The following PLB1 variants were observed in gnomAD, a reference collection of about 807,000 sequenced individuals.
PLB1 encodes phospholipase B1, also known as phospholipase B1, membrane-associated.
Under a neutral mutation model 227.4 loss-of-function variants are expected in PLB1, and 242 were observed. That is an observed-to-expected ratio of 1.06 (90% CI 0.96 to 1.18). PLB1 has a LOEUF of 1.18. PLB1 is among the 50% of genes most tolerant of loss of function. The probability of loss-of-function intolerance (pLI) is 0.00; values close to 1 mark genes in which losing one functional copy is unlikely to be tolerated. For synonymous variants in PLB1, 757 were observed against 682.2 expected, an observed-to-expected ratio of 1.11 and a Z score of -1.71; for missense variants, 1,858 against 1,816.3, an observed-to-expected ratio of 1.02 and a Z score of -0.42.
intron 37 of PLB1, 40 bp downstream of exon 37, chr2:28,601,372 C>A: frequency 6.4e-7 from 1 of 1,571,734 alleles, no homozygotes; most frequent in Non-Finnish European, 8.7e-7. Flanking sequence ...TTGTTCCTAA[C>A]TTTGCCCAGT....
Position 28,602,083 on chromosome 2 carries a change from C to T in PLB1, c.2673+119C>T, listed in dbSNP as rs1684008344. ...TCAAGGAGACAGCCAGGGGCATGGA[C>T]TCCTTCCCTTTTCAGAGGTTGGGGT... On this transcript the variant is annotated intron_variant, in intron 38 of 57. Coordinates refer to ENST00000327757, the MANE Select transcript of PLB1 (RefSeq NM_153021.5). 5 of 969,002 alleles carry T rather than the reference C, an allele frequency of 5.2e-6. No individual in the cohort carries two copies. In the Admixed American group the frequency reaches 8.1e-5, roughly 16 times the overall value. The allele number at this position is 969,002 out of a possible 1,614,324, so 60.0% of individuals were successfully genotyped here.
chr2:28,526,984 G>A (rs1670344522), intron 6 of PLB1, among the ~76,000 whole-genome samples: 1 of 152,170 alleles, frequency 6.6e-6, no homozygotes, highest in African/African-American at 2.4e-5. Context: ...GGTCCCCTTG[G>A]AGAGAATCAA....
At chr2:28,620,508 C>A (rs1339159546) in intron 47 of PLB1, 92 bp from the exon 48 acceptor site, 2 of 1,494,908 alleles carry the variant, frequency 1.3e-6, no homozygotes, top group South Asian at 1.3e-5. Flanking sequence ...CCCAGGGGCC[C>A]AGAACCCGGT....
chr2:28,505,978 G>A (rs1667597648), intron 1 of PLB1, among the ~76,000 whole-genome samples: 1 of 152,204 alleles, frequency 6.6e-6, no homozygotes, highest in South Asian at 2.1e-4. Context: ...CTGAGCACAG[G>A]TATGGGGTTT....
In PLB1 at chr2:28,525,256, A is replaced by C. The variant is rs1394068046; in HGVS notation, c.244-11A>C. The C allele has an allele frequency of 6.2e-7, 1 of 1,612,920 alleles. No homozygotes were observed. The highest frequency in any genetic ancestry group is 8.5e-7 in the Non-Finnish European group (1 of 1,179,724). On this transcript the variant is annotated splice_polypyrimidine_tract_variant and intron_variant, in intron 4 of 57. Transcript: ENST00000327757. ...CCCTGGCTGGGTGTTAACATTGAGT[A>C]TCTATTCCAGCCTCCAGACCCAGGG...
At chr2:28,538,812 G>C (rs2148204423) in intron 10 of PLB1, among the ~76,000 whole-genome samples, 1 of 152,286 alleles carries the variant, frequency 6.6e-6, no homozygotes, top group East Asian at 1.9e-4. Flanking sequence ...GCTGGAGGAG[G>C]CTGCAGGCCC....
intron 1 of PLB1, among the ~76,000 whole-genome samples, chr2:28,507,923 G>T (rs894819880): frequency 6.6e-6 from 1 of 152,290 alleles, no homozygotes; most frequent in African/African-American, 2.4e-5. Flanking sequence ...TTTGTAATCA[G>T]ACTAGAGGTT....
At chr2:28,630,356 T>C (rs1044018940) in intron 53 of PLB1, among the ~76,000 whole-genome samples, 8 of 152,192 alleles carry the variant, frequency 5.3e-5, no homozygotes, top group Admixed American at 2.6e-4. Context: ...CTATGAACAA[T>C]CATCCTCTGG....
chr2:28,543,130 A>G (rs1346812099), intron 13 of PLB1, 82 bp from the exon 14 acceptor site: 2 of 1,447,856 alleles, frequency 1.4e-6, no homozygotes, highest in African/African-American at 2.8e-5. Flanking sequence ...ACTCTATGCC[A>G]GAGAGAGCTT....
intron 29 of PLB1, among the ~76,000 whole-genome samples, 162 bp downstream of exon 29, chr2:28,590,238 G>T (rs1681667153): frequency 6.6e-6 from 1 of 152,084 alleles, no homozygotes; most frequent in African/African-American, 2.4e-5. Flanking sequence ...TACTGAGAGG[G>T]ACGGCCACCC....
chr2:28,589,479 G>T lies in PLB1; in HGVS notation c.1845G>T (p.Gly615=), dbSNP rs1244962466. 3.1e-6 allele frequency: 5 copies of T among 1,614,194 alleles called. No homozygotes were observed. The highest frequency in any genetic ancestry group is 4.2e-6 in the Non-Finnish European group (5 of 1,180,028). The change falls in exon 27 of 58, where the codon GGG becomes GGT. Residue 615 remains glycine, a synonymous_variant. Transcript: ENST00000327757. ...AGACCCACCAACTGATTGAGAGTGG[G>T]CGATATGACACAAGGGAAGATTTTA... ...QEKTHQLIES[G]RYDTREDFTV...
At chr2:28,539,218 G>A (rs1243223811) in intron 11 of PLB1, 40 bp downstream of exon 11, 11 of 1,540,060 alleles carry the variant, frequency 7.1e-6, no homozygotes, top group East Asian at 2.2e-5. Context: ...TCTGTGACAC[G>A]GCTGTCACGT....
intron 1 of PLB1, among the ~76,000 whole-genome samples, chr2:28,505,948 C>T (rs980076613): frequency 1.3e-5 from 2 of 152,184 alleles, no homozygotes; most frequent in South Asian, 4.1e-4. Context: ...ACACTTGTCT[C>T]CAAATGTCTG....
At chr2:28,640,880 G>A (rs2148353962) in intron 56 of PLB1, 47 bp from the exon 57 acceptor site, 1 of 1,558,744 alleles carries the variant, frequency 6.4e-7, no homozygotes, top group Non-Finnish European at 8.8e-7. Flanking sequence ...AGAGGAAAGT[G>A]TCTCCCAGCT....
intron 35 of PLB1, 43 bp from the exon 36 acceptor site, chr2:28,600,766 G>T (rs1213133390): frequency 6.3e-7 from 1 of 1,596,012 alleles, no homozygotes; most frequent in Non-Finnish European, 8.6e-7. Flanking sequence ...AAAACTATGG[G>T]CACTGTTCCT....
At chr2:28,565,715 T>C (rs1214182330) in intron 19 of PLB1, among the ~76,000 whole-genome samples, 1 of 152,216 alleles carries the variant, frequency 6.6e-6, no homozygotes, top group Non-Finnish European at 1.5e-5. Context: ...GAGCCCTAGC[T>C]GCCCAGTTGG....
In PLB1 at chr2:28,598,142, C is replaced by T. The variant is rs912868469; in HGVS notation, c.2365+94C>T. 5.6e-6 allele frequency: 6 copies of T among 1,072,112 alleles called. No individual in the cohort carries two copies. The Admixed American group carries it at 9.0e-5, about 16-fold the overall frequency. 66.4% of individuals were successfully genotyped at this position (1,072,112 alleles called of 1,614,324 possible). On this transcript the variant is annotated intron_variant, in intron 34 of 57. Coordinates refer to ENST00000327757, the MANE Select transcript of PLB1 (RefSeq NM_153021.5). ...TGCCTCCCAGGTAAGCAGCAAATGACATCTGCCTTATGGCCCAGCATTTAA... is the reference window on the plus strand; with the variant it reads ...TGCCTCCCAGGTAAGCAGCAAATGATATCTGCCTTATGGCCCAGCATTTAA...
Position 28,602,905 on chromosome 2 carries a change from C to G in PLB1, c.2758C>G (p.Pro920Ala). The change falls in exon 39 of 58, where the codon CCA becomes GCA. Residue 920 changes from proline (P) to alanine (A), a missense_variant. By Grantham distance (27) the Pro-to-Ala change is conservative. Transcript: ENST00000327757. ...GTTCCTGGGAAACCCAGACAAGTGC[C>G]CAGTGCAGCAGGCCAGGTAGGCAGG... ...QVFLGNPDKC[P>A]VQQASVLCNC... The G allele has an allele frequency of 6.2e-7, 1 of 1,614,158 alleles. No individual in the cohort carries two copies. Among genetic ancestry groups the G allele is most frequent in the East Asian group, 2.2e-5 (1 of 44,884 alleles).
At chr2:28,533,127 T>C (rs1671236715) in intron 9 of PLB1, among the ~76,000 whole-genome samples, 1 of 152,120 alleles carries the variant, frequency 6.6e-6, no homozygotes, top group African/African-American at 2.4e-5. Context: ...TTCTTTTCTG[T>C]GCCCCTCTCC....
Sources: allele counts gnomAD v4.1 joint callset (sites outside exome capture counted in the v4.1 genomes callset), GRCh38; gene constraint gnomAD v4.1.1; transcripts MANE v1.5; gene names NCBI Gene and HGNC (gene_info 2026-07-23, HGNC 2026-07-21).